Variants in PRR27 observed in about 807,000 individuals in gnomAD.
The protein encoded by PRR27 is proline rich 27, also known as proline-rich protein 27.
Under a neutral mutation model 16.8 loss-of-function variants are expected in PRR27, and 12 were observed. The observed-to-expected ratio is 0.71, with a 90% confidence interval of 0.46 to 1.16. PRR27 has a LOEUF of 1.16. PRR27 is among the 50% of genes most tolerant of loss of function. PRR27 has a pLI of 0.00. For synonymous variants in PRR27, 100 were observed against 98.4 expected, an observed-to-expected ratio of 1.02 and a Z score of -0.10; for missense variants, 277 against 273.3, an observed-to-expected ratio of 1.01 and a Z score of -0.10.
intron 2 of PRR27, among the ~76,000 whole-genome samples, 175 bp from the exon 3 acceptor site, chr4:70,158,153 A>C (rs1251573619): frequency 6.6e-6 from 1 of 152,166 alleles, no homozygotes; most frequent in African/African-American, 2.4e-5. Flanking sequence ...CAATTTTCTT[A>C]AGAGATTATT....
Position 70,158,809 on chromosome 4 carries a change from T to C in PRR27, c.557T>C (p.Val186Ala), listed in dbSNP as rs112603630. The C allele has an allele frequency of 1.3e-4, 210 of 1,613,208 alleles. No homozygotes were observed. The African/African-American group carries it at 2.5e-3, about 19-fold the overall frequency. ...AEPAAEAPVG[V>A]EPAAEEPSPA... The stretch of plus-strand genomic sequence containing the variant: ...CCTGCTGCAGAGGCACCTGTTGGAG[T>C]GGAGCCAGCTGCAGAGGAACCTTCA... The change falls in exon 3 of 5, where the codon GTG (valine) becomes GCG (alanine). Residue 186 changes from valine to alanine, a missense_variant. Val to Ala is a moderately conservative substitution (Grantham distance 64). Transcript: ENST00000344526.
Position 70,161,561 on chromosome 4 carries a change from A to C in PRR27, c.649-25A>C, listed in dbSNP as rs1013194320. On this transcript the variant is annotated intron_variant, in intron 3 of 4. Transcript: ENST00000344526. ...AAAGTACATTTGATTGTTTATGAAA[A>C]GATCTTTTTTTTAATGTTTTCTAGG... 13 of 1,450,024 alleles carry C rather than the reference A, an allele frequency of 9.0e-6. No homozygotes were observed. In the Admixed American group the frequency reaches 1.8e-4, roughly 20 times the overall value. 89.8% of individuals were successfully genotyped at this position (1,450,024 alleles called of 1,614,324 possible).
chr4:70,155,244 A>G (rs1040638125), intron 1 of PRR27, among the ~76,000 whole-genome samples: 7 of 152,126 alleles, frequency 4.6e-5, no homozygotes, highest in Admixed American at 2.6e-4. Flanking sequence ...TTTATTCTGT[A>G]GTTCATAATC....
chr4:70,158,698 C>A lies in PRR27; in HGVS notation c.446C>A (p.Ala149Asp). ...GCCACACCTGTAGCAGCTGAGCCTG[C>A]TGCAGGGGCCCCTGTTGCAGCTGAG... is the stretch of plus-strand genomic sequence containing the variant. ...LTATPVAAEP[A>D]AGAPVAAEPA... is the part of the protein sequence containing the mutation. The change falls in exon 3 of 5, where the codon GCT (alanine) becomes GAT (aspartate). Residue 149 changes from alanine to aspartate, a missense_variant. Physicochemically the swap from Ala to Asp is moderately radical, Grantham distance 126. Transcript: ENST00000344526. The A allele has an allele frequency of 6.2e-7, 1 of 1,613,350 alleles. No homozygotes were observed. Among genetic ancestry groups the A allele is most frequent in the Non-Finnish European group, 8.5e-7 (1 of 1,179,470 alleles).
intron 1 of PRR27, among the ~76,000 whole-genome samples, 159 bp from the exon 2 acceptor site, chr4:70,155,895 A>G (rs532647643): frequency 2.6e-5 from 4 of 152,322 alleles, no homozygotes; most frequent in South Asian, 2.1e-4. Context: ...AATGATAATG[A>G]TGACGATGAT....
intron 3 of PRR27, among the ~76,000 whole-genome samples, chr4:70,161,154 C>CTATATATATA (rs1728636595): frequency 1.2e-4 from 1 of 8,668 alleles, no homozygotes; most frequent in Non-Finnish European, 3.6e-4. Context: ...ATTATGAACA[C>CTATATATATA]TGTATATATA....
chr4:70,157,257 G>A lies in PRR27; in HGVS notation c.76-1071G>A, dbSNP rs116321875. ...GAATGTAGCATCCCAGACACAAGAA[G>A]AAAGAAACCTTGTCTGTTTTCCAGT... On this transcript the variant is annotated intron_variant, in intron 2 of 4. Coordinates refer to ENST00000344526, the MANE Select transcript of PRR27 (RefSeq NM_214711.4). Among the ~76,000 whole-genome samples the A allele has an allele frequency of 8.8e-3, 1,341 of 152,070 alleles. 19 individuals are homozygous for A. The highest frequency in any genetic ancestry group is 0.031 in the African/African-American group (1,285 of 41,458).
At position 70,162,696 on chromosome 4, in the gene PRR27, T is replaced by C. The variant is rs1484766831; in HGVS notation, c.*35T>C. On this transcript the variant is annotated splice_region_variant and 3_prime_UTR_variant, in exon 5 of 5. Transcript: ENST00000344526. ...ACCAATGTTATTTTCTTCTTTCAGA[T>C]ACTGATGCAGAAATAAGTGAAATCT... is the stretch of plus-strand genomic sequence containing the variant. 2.6e-5 allele frequency: 4 copies of C among 152,232 alleles called. No individual in the cohort carries two copies. Among genetic ancestry groups the C allele is most frequent in the Non-Finnish European group, 5.9e-5 (4 of 68,038 alleles). 9.4% of individuals were successfully genotyped at this position (152,232 alleles called of 1,614,324 possible). A position where few individuals can be genotyped will look rare whatever the true frequency, so the allele number is the denominator to read the frequency against.
In PRR27 at chr4:70,158,549, G is replaced by C; in HGVS notation, c.297G>C (p.Leu99Phe). ...GTGGTTTTCCCTTAGCTACTCAGTT[G>C]AATGTTCCTCCTCTCCCTCCTAGGG... ...HIRGFPLATQ[L>F]NVPPLPPRGF... Residue 99 changes from leucine (L) to phenylalanine (F), a missense_variant, in exon 3 of 5, where the codon TTG becomes TTC. Transcript: ENST00000344526. The C allele has an allele frequency of 1.9e-6, 3 of 1,614,130 alleles. No individual in the cohort carries two copies. The highest frequency in any genetic ancestry group is 2.5e-6 in the Non-Finnish European group (3 of 1,180,016).
At chr4:70,160,815 T>A (rs1196646714) in intron 3 of PRR27, among the ~76,000 whole-genome samples, 2 of 151,862 alleles carry the variant, frequency 1.3e-5, no homozygotes, top group Admixed American at 6.6e-5. Flanking sequence ...TTAGGCTATT[T>A]TACCAAAGGG....
chr4:70,154,570 G>C (rs755623014), intron 1 of PRR27, 144 bp downstream of exon 1: 73 of 867,844 alleles, frequency 8.4e-5, no homozygotes, highest in Non-Finnish European at 1.3e-4. Flanking sequence ...TGTAGTGTCA[G>C]ACTTTTCAAC....
Position 70,158,606 on chromosome 4 carries a change from T to G in PRR27, c.354T>G (p.Phe118Leu). 6.2e-7 allele frequency: 1 copy of G among 1,614,176 alleles called. No homozygotes were observed. The highest frequency in any genetic ancestry group is 8.5e-7 in the Non-Finnish European group (1 of 1,180,028). Reference protein sequence around the residue: ...GFPFVPPSRFFSAAAAPAAPP... With the variant: ...GFPFVPPSRFLSAAAAPAAPP... ...CGTTTGTCCCTCCTTCAAGGTTTTT[T>G]TCAGCAGCTGCAGCACCCGCTGCCC... Residue 118 changes from phenylalanine (F) to leucine (L), a missense_variant, in exon 3 of 5, where the codon TTT becomes TTG. Transcript: ENST00000344526.
At chr4:70,157,741 G>T (rs921412820) in intron 2 of PRR27, among the ~76,000 whole-genome samples, 1 of 152,054 alleles carries the variant, frequency 6.6e-6, no homozygotes, top group African/African-American at 2.4e-5. Flanking sequence ...GGACGGTCTC[G>T]ATCTCTTGAC....
chr4:70,160,431 C>CTGTG (rs1225227203), intron 3 of PRR27, among the ~76,000 whole-genome samples: 4 of 58,628 alleles, frequency 6.8e-5, no homozygotes, highest in East Asian at 6.5e-4. Flanking sequence ...CTCTCTCTCT[C>CTGTG]TCTCTCTCTC....
intron 2 of PRR27, 77 bp downstream of exon 2, chr4:70,156,154 A>T: frequency 1.3e-6 from 1 of 761,194 alleles, no homozygotes; most frequent in Non-Finnish European, 2.0e-6. Flanking sequence ...AAACTCTCTG[A>T]TTTCTTTACA....
In PRR27 at chr4:70,156,073, G is replaced by T; in HGVS notation, c.71G>T (p.Gly24Val). The T allele has an allele frequency of 7.0e-7, 1 of 1,430,026 alleles. No individual in the cohort carries two copies. The highest frequency in any genetic ancestry group is 9.3e-7 in the Non-Finnish European group (1 of 1,070,044). The allele number at this position is 1,430,026 out of a possible 1,614,324, so 88.6% of individuals were successfully genotyped here. A position where few individuals can be genotyped will look rare whatever the true frequency, so the allele number is the denominator to read the frequency against. ...TTTTAGAGACGGTTCCCCTTCATTG[G>T]TGAGGTAAAACTTTTTTTTCTTTAC... ...FARKRRFPFIGEDDNDDGHPL... is the reference protein window; with the variant it reads ...FARKRRFPFIVEDDNDDGHPL... The change falls in exon 2 of 5, where the codon GGT becomes GTT. Residue 24 changes from glycine to valine, a missense_variant. By Grantham distance (109) the Gly-to-Val change is moderately radical. Coordinates refer to ENST00000344526, the MANE Select transcript of PRR27 (RefSeq NM_214711.4).
chr4:70,156,411 T>C (rs1051830351), intron 2 of PRR27, among the ~76,000 whole-genome samples: 2 of 152,162 alleles, frequency 1.3e-5, no homozygotes, highest in Non-Finnish European at 2.9e-5. Flanking sequence ...TTGAACAAAC[T>C]TAGTGATGAA....
chr4:70,159,209 T>A (rs1290502765), intron 3 of PRR27, among the ~76,000 whole-genome samples: 1 of 152,188 alleles, frequency 6.6e-6, no homozygotes, highest in South Asian at 2.1e-4. Context: ...TTTTTGTCAC[T>A]ACAAATTGGT....
In PRR27 at chr4:70,162,926, G is replaced by T. The variant is rs968655047; in HGVS notation, c.*265G>T. ...AACTACGCTATGGAGGACTGAAATGGCAATCATTCAGCCTAGCCTGGAGTC... is the reference window on the plus strand; with the variant it reads ...AACTACGCTATGGAGGACTGAAATGTCAATCATTCAGCCTAGCCTGGAGTC... On this transcript the variant is annotated 3_prime_UTR_variant, in exon 5 of 5. Coordinates refer to ENST00000344526, the MANE Select transcript of PRR27 (RefSeq NM_214711.4). 1 of 152,138 alleles carries T rather than the reference G, an allele frequency of 6.6e-6. No homozygotes were observed. Among genetic ancestry groups the T allele is most frequent in the Non-Finnish European group, 1.5e-5 (1 of 68,026 alleles). 9.4% of individuals were successfully genotyped at this position (152,138 alleles called of 1,614,324 possible).
Sources: gnomAD v4.1 joint callset for allele counts (sites outside exome capture counted in the v4.1 genomes callset) on GRCh38, gnomAD v4.1.1 for gene constraint, MANE v1.5 for transcripts, NCBI Gene and HGNC (gene_info 2026-07-23, HGNC 2026-07-21) for gene names.